DRG1: variants seen among roughly 807,000 people sequenced by gnomAD.
DRG1 encodes the protein developmentally-regulated GTP-binding protein 1.
A neutral mutation model predicts 38.8 loss-of-function variants in DRG1; 19 were observed. The observed-to-expected ratio is 0.49, with a 90% CI of 0.34 to 0.72. The LOEUF (loss-of-function observed/expected upper bound fraction) is 0.72, where lower values mean the gene tolerates loss of function less well. Among genes scored for constraint, DRG1 ranks in the 30% least tolerant of loss-of-function variants. The pLI is 0.01. For missense variants in DRG1, 299 were observed against 444.8 expected, an observed-to-expected ratio of 0.67 and a Z score of 2.95; for synonymous variants, 167 against 157.5, an observed-to-expected ratio of 1.06 and a Z score of -0.45.
chr22:31,423,147 A>T, intron 5 of DRG1, 133 bp from the exon 6 acceptor site: 1 of 1,098,044 alleles, frequency 9.1e-7, no homozygotes, highest in Non-Finnish European at 1.3e-6. Flanking sequence ...AAAGTCAGTG[A>T]CACTCATCCC....
At chr22:31,413,198 A>G (rs1316908163) in intron 4 of DRG1, among the ~76,000 whole-genome samples, 2 of 152,080 alleles carry the variant, frequency 1.3e-5, no homozygotes, top group South Asian at 4.1e-4. Context: ...TCATAGGCTC[A>G]AGCAATCTTC....
chr22:31,411,371 A>G (rs1296170009), intron 4 of DRG1, among the ~76,000 whole-genome samples: 2 of 151,554 alleles, frequency 1.3e-5, no homozygotes, highest in East Asian at 3.9e-4. Context: ...GCAGCTTTAG[A>G]CATTTTATAT....
chr22:31,423,418 C>CT lies in DRG1; in HGVS notation c.713+9dup, dbSNP rs1569050252. The stretch of plus-strand genomic sequence containing the variant: ...TGTGGTGGAAGGAAACAGGTACTGA[C>CT]TGAGTGTGCAGTCTGTGCCTGACTG... On this transcript the variant is annotated intron_variant, in intron 6 of 8. Transcript: ENST00000331457. 1.2e-6 allele frequency: 2 copies of CT among 1,613,636 alleles called. No individual in the cohort carries two copies. Among genetic ancestry groups the CT allele is most frequent in the South Asian group, 1.1e-5 (1 of 91,060 alleles).
intron 4 of DRG1, among the ~76,000 whole-genome samples, chr22:31,418,810 T>C (rs1172328228): frequency 6.6e-6 from 1 of 152,136 alleles, no homozygotes; most frequent in Non-Finnish European, 1.5e-5. Context: ...GCCTCCCAAG[T>C]AGCTGGGACT....
chr22:31,423,150 C>G, intron 5 of DRG1, 130 bp from the exon 6 acceptor site: 1 of 1,137,226 alleles, frequency 8.8e-7, no homozygotes, highest in South Asian at 1.5e-5. Flanking sequence ...GTCAGTGACA[C>G]TCATCCCGGA....
rs77760593 is a variant in DRG1 at position 31,429,047 on chromosome 22, C to T, written c.1004+1865C>T. Among the ~76,000 whole-genome samples the T allele has an allele frequency of 4.2e-3, 646 of 152,150 alleles. 1 individual carries two copies. The highest frequency in any genetic ancestry group is 0.015 in the African/African-American group (614 of 41,502). Reference sequence around the variant, plus strand: ...TTCTCTCCGTATTTTATAAGTATCTCGGGGTACTTTTGAGACTGTGAAAGT... The same window carrying T: ...TTCTCTCCGTATTTTATAAGTATCTTGGGGTACTTTTGAGACTGTGAAAGT... On this transcript the variant is annotated intron_variant, in intron 8 of 8. Transcript: ENST00000331457.
At chr22:31,403,725 G>C (rs1453037632) in intron 3 of DRG1, among the ~76,000 whole-genome samples, 1 of 151,774 alleles carries the variant, frequency 6.6e-6, no homozygotes, top group African/African-American at 2.4e-5. Context: ...CTTGTGATCC[G>C]CCCGCGTTGG....
At chr22:31,430,757 C>T (rs2050134118) in intron 8 of DRG1, among the ~76,000 whole-genome samples, 1 of 151,994 alleles carries the variant, frequency 6.6e-6, no homozygotes, top group Non-Finnish European at 1.5e-5. Context: ...GGTTCTCTGT[C>T]TCCCAGGCTG....
chr22:31,403,461 A>C (rs919103312), intron 3 of DRG1, among the ~76,000 whole-genome samples: 3 of 151,774 alleles, frequency 2.0e-5, no homozygotes, highest in Admixed American at 2.0e-4. Context: ...TGAGGTCGGG[A>C]GTTCGAGACC....
intron 6 of DRG1, among the ~76,000 whole-genome samples, chr22:31,425,841 G>C (rs2050107065): frequency 6.6e-6 from 1 of 152,166 alleles, no homozygotes; most frequent in African/African-American, 2.4e-5. Flanking sequence ...ATTTGTTCCT[G>C]TATGTTGGAT....
At chr22:31,421,985 C>G (rs1046375394) in intron 5 of DRG1, among the ~76,000 whole-genome samples, 2 of 151,840 alleles carry the variant, frequency 1.3e-5, no homozygotes, top group East Asian at 3.9e-4. Context: ...CATGGTGGCA[C>G]GCACTTGTAA....
chr22:31,427,246 A>G (rs2050115909), intron 8 of DRG1, 64 bp downstream of exon 8: 20 of 1,571,906 alleles, frequency 1.3e-5, no homozygotes, highest in Non-Finnish European at 1.6e-5. Flanking sequence ...CTAACTAGTA[A>G]TTCTTAGGAT....
At chr22:31,418,658 C>T (rs1953488910) in intron 4 of DRG1, among the ~76,000 whole-genome samples, 1 of 151,772 alleles carries the variant, frequency 6.6e-6, no homozygotes, top group African/African-American at 2.4e-5. Context: ...CAGGTGTCCA[C>T]TACCATGGCC....
rs961049745 is a variant in DRG1 at position 31,400,749 on chromosome 22, T to G, written c.166+6T>G. On this transcript the variant is annotated splice_donor_region_variant and intron_variant, in intron 2 of 8. Transcript: ENST00000331457. ...TGGTGGAGGTCCAGGAGAAGGTTTG[T>G]GTTCTTCTTCAATATATATATTTTT... The G allele has an allele frequency of 1.2e-6, 2 of 1,610,166 alleles. No individual in the cohort carries two copies. Among genetic ancestry groups the G allele is most frequent in the Admixed American group, 1.7e-5 (1 of 59,828 alleles).
intron 3 of DRG1, among the ~76,000 whole-genome samples, chr22:31,410,380 G>A (rs547769742): frequency 1.1e-4 from 17 of 152,146 alleles, no homozygotes; most frequent in East Asian, 1.9e-4. Context: ...GCTTGAACCC[G>A]GGAGGTGGAG....
At chr22:31,422,686 A>T (rs2050083521) in intron 5 of DRG1, among the ~76,000 whole-genome samples, 1 of 152,166 alleles carries the variant, frequency 6.6e-6, no homozygotes, top group Admixed American at 6.5e-5. Flanking sequence ...CTTTCCCATT[A>T]TCCCGTCTTA....
chr22:31,423,290 G>C lies in DRG1; in HGVS notation c.593G>C (p.Ser198Thr). The stretch of plus-strand genomic sequence containing the variant: ...GCTATTCCCTTTCAGTGCCCCCAGA[G>C]TGAGCTGGATGCTGAAACTGTGAAG... The part of the protein sequence containing the change: ...GINLTATCPQ[S>T]ELDAETVKSI... Residue 198 changes from serine (S) to threonine (T), a missense_variant, in exon 6 of 9, where the codon AGT (serine) becomes ACT (threonine). Ser to Thr is a moderately conservative substitution (Grantham distance 58). Coordinates refer to ENST00000331457, the MANE Select transcript of DRG1 (RefSeq NM_004147.4). 1 of 1,613,986 alleles carries C rather than the reference G, an allele frequency of 6.2e-7. No homozygotes were observed. The highest frequency in any genetic ancestry group is 8.5e-7 in the Non-Finnish European group (1 of 1,180,020).
At chr22:31,417,066 A>G (rs1327694552) in intron 4 of DRG1, among the ~76,000 whole-genome samples, 2 of 147,106 alleles carry the variant, frequency 1.4e-5, no homozygotes, top group East Asian at 4.0e-4. Context: ...CCTGTCTCAA[A>G]AAAAAAAATA....
At chr22:31,414,108 CTT>C (rs2050032258) in intron 4 of DRG1, among the ~76,000 whole-genome samples, 1 of 152,164 alleles carries the variant, frequency 6.6e-6, no homozygotes, top group Non-Finnish European at 1.5e-5. Flanking sequence ...TCATCAGACT[CTT>C]TAAATGTGGA....
Sources: allele counts gnomAD v4.1 joint callset (sites outside exome capture counted in the v4.1 genomes callset), GRCh38; gene constraint gnomAD v4.1.1; transcripts MANE v1.5; gene names NCBI Gene and HGNC (gene_info 2026-07-23, HGNC 2026-07-21).